Variants in MCPH1 observed in about 807,000 individuals in gnomAD.
MCPH1 encodes microcephalin.
A neutral mutation model predicts 84.5 loss-of-function variants in MCPH1; 104 were observed. The observed-to-expected ratio is 1.23, with a 90% CI of 1.05 to 1.45. The LOEUF is 1.45. Among genes scored for constraint, MCPH1 ranks in the 40% most tolerant of loss-of-function variants. MCPH1 has a pLI of 0.00. For missense variants in MCPH1, 1,498 were observed against 1,005.7 expected, an observed-to-expected ratio of 1.49 and a Z score of -6.62; for synonymous variants, 514 against 366.8, an observed-to-expected ratio of 1.40 and a Z score of -4.58.
intron 12 of MCPH1, among the ~76,000 whole-genome samples, chr8:6,563,784 T>A (rs561168375): frequency 6.6e-6 from 1 of 152,278 alleles, no homozygotes; most frequent in African/African-American, 2.4e-5. Context: ...AAGATTTTCA[T>A]TTCCGAACAG....
chr8:6,466,127 GGATTTTTTT>G (rs1342722603), intron 9 of MCPH1, among the ~76,000 whole-genome samples: 18 of 125,180 alleles, frequency 1.4e-4, no homozygotes, highest in African/African-American at 3.2e-4. Context: ...GCTAATTTTT[GGATTTTTTT>G]TTTTTTTTTT....
At chr8:6,436,393 G>A (rs546001015) in intron 5 of MCPH1, among the ~76,000 whole-genome samples, 1 of 152,306 alleles carries the variant, frequency 6.6e-6, no homozygotes, top group African/African-American at 2.4e-5. Flanking sequence ...CATCAAGGTG[G>A]TCGAACTTTT....
chr8:6,415,440 G>A (rs1369631268), intron 3 of MCPH1, among the ~76,000 whole-genome samples: 1 of 151,806 alleles, frequency 6.6e-6, no homozygotes, highest in East Asian at 1.9e-4. Flanking sequence ...CTCAACCTTT[G>A]CCTCCTGGGC....
chr8:6,562,611 A>G (rs774850966), intron 12 of MCPH1: 1 of 1,221,508 alleles, frequency 8.2e-7, no homozygotes, highest in Non-Finnish European at 1.1e-6. Context: ...TGATCTTAAT[A>G]GCATGTTCAC....
chr8:6,607,125 C>T (rs1829844881), intron 12 of MCPH1, among the ~76,000 whole-genome samples: 1 of 152,162 alleles, frequency 6.6e-6, no homozygotes, highest in Non-Finnish European at 1.5e-5. Flanking sequence ...GCAGGAAGGC[C>T]CCTCTCACTT....
At chr8:6,575,676 A>G (rs1827017038) in intron 12 of MCPH1, among the ~76,000 whole-genome samples, 2 of 152,198 alleles carry the variant, frequency 1.3e-5, no homozygotes, top group Non-Finnish European at 2.9e-5. Flanking sequence ...AAGTAGGGCC[A>G]TTGCAGTTGT....
rs149064267 is a variant in MCPH1, at chr8:6,454,489, A to G, written c.1826-654A>G. 8.2e-4 allele frequency among the ~76,000 whole-genome samples: 125 copies of G among 152,340 alleles called. 2 individuals carry two copies. Among genetic ancestry groups the G allele is most frequent in the African/African-American group, 2.9e-3 (122 of 41,582 alleles). ...TGAAGGAGGAGGAAGGGTGAGAGTA[A>G]GAGGCACCCTCTGAGGCAGTAGATG... On this transcript the variant is annotated intron_variant, in intron 8 of 13. Transcript: ENST00000344683.
intron 12 of MCPH1, among the ~76,000 whole-genome samples, chr8:6,553,665 ATTT>A (rs752171739): frequency 1.4e-5 from 2 of 142,958 alleles, no homozygotes; most frequent in South Asian, 2.3e-4. Context: ...TGGTCTCAAA[ATTT>A]TTTTTTTTTT....
At chr8:6,497,307 C>G (rs1586116162) in intron 11 of MCPH1, among the ~76,000 whole-genome samples, 1 of 149,558 alleles carries the variant, frequency 6.7e-6, no homozygotes, top group Admixed American at 6.7e-5. Flanking sequence ...ACTGTGAAAC[C>G]CCATTCTCTA....
chr8:6,620,588 A>C (rs1406716366), intron 12 of MCPH1, among the ~76,000 whole-genome samples: 1 of 152,126 alleles, frequency 6.6e-6, no homozygotes, highest in East Asian at 1.9e-4. Flanking sequence ...TCAAATCTCT[A>C]ATTTGTGTGA....
intron 6 of MCPH1, 64 bp downstream of exon 6, chr8:6,439,160 T>C: frequency 6.7e-7 from 1 of 1,485,428 alleles, no homozygotes; most frequent in South Asian, 1.2e-5. Context: ...GTGGAAAGCT[T>C]CTTTTTTCTT....
At chr8:6,561,916 C>A (rs1825600073) in intron 12 of MCPH1, among the ~76,000 whole-genome samples, 1 of 152,206 alleles carries the variant, frequency 6.6e-6, no homozygotes, top group Non-Finnish European at 1.5e-5. Context: ...GTCAGACAGA[C>A]CGTCCTGTCG....
intron 9 of MCPH1, among the ~76,000 whole-genome samples, chr8:6,458,316 C>G (rs1805911786): frequency 6.6e-6 from 1 of 151,738 alleles, no homozygotes; most frequent in African/African-American, 2.4e-5. Flanking sequence ...ACTAGAAATA[C>G]AAAAAATTAG....
rs568813775 is a variant in MCPH1 at position 6,620,487 on chromosome 8, T to C, written c.2215-967T>C. On this transcript the variant is annotated intron_variant, in intron 12 of 13. Transcript: ENST00000344683. ...TGCCTCCGAGGTCAGCCTTGCCTGC[T>C]GCCCCTGACTGAGAGGACCCCGACG... 2.6e-5 allele frequency among the ~76,000 whole-genome samples: 4 copies of C among 152,152 alleles called. No individual in the cohort carries two copies. In the South Asian group the frequency reaches 8.3e-4, roughly 32 times the overall value.
chr8:6,565,001 G>C (rs988623173), intron 12 of MCPH1, among the ~76,000 whole-genome samples: 2 of 152,190 alleles, frequency 1.3e-5, no homozygotes, highest in African/African-American at 4.8e-5. Flanking sequence ...TTCCACCAAG[G>C]TTCTGGACAT....
Position 6,643,080 on chromosome 8 carries a change from C to T in MCPH1, c.*31C>T. ...ACCTCACTGGCCTGTGGTGACTGCA[C>T]ACAGCTCGCAAAACTGTCTTTGGAT... is the stretch of plus-strand genomic sequence containing the variant. On this transcript the variant is annotated 3_prime_UTR_variant, in exon 14 of 14. Coordinates refer to ENST00000344683, the MANE Select transcript of MCPH1 (RefSeq NM_024596.5). The T allele has an allele frequency of 2.5e-6, 4 of 1,586,566 alleles. No homozygotes were observed. In the South Asian group the frequency reaches 4.4e-5, roughly 18 times the overall value.
chr8:6,627,040 T>C (rs1796778140), intron 13 of MCPH1: 1 of 982,348 alleles, frequency 1.0e-6, no homozygotes, highest in Non-Finnish European at 1.2e-6. Flanking sequence ...ATAAAGAAAA[T>C]TTGGTTTGAA....
At chr8:6,411,881 T>G (rs1439830140) in intron 2 of MCPH1, among the ~76,000 whole-genome samples, 3 of 152,162 alleles carry the variant, frequency 2.0e-5, no homozygotes, top group Non-Finnish European at 4.4e-5. Context: ...GGGGAACTAA[T>G]GTGCTCTTAT....
intron 12 of MCPH1, among the ~76,000 whole-genome samples, chr8:6,598,214 T>C (rs925674505): frequency 7.2e-5 from 11 of 152,010 alleles, no homozygotes; most frequent in Non-Finnish European, 1.6e-4. Flanking sequence ...ACCTGGGAAA[T>C]ACGTGGGTTC....
Sources: gnomAD v4.1 joint callset for allele counts (sites outside exome capture counted in the v4.1 genomes callset) on GRCh38, gnomAD v4.1.1 for gene constraint, MANE v1.5 for transcripts, NCBI Gene and HGNC (gene_info 2026-07-23, HGNC 2026-07-21) for gene names.